The following LRP8 variants were observed in gnomAD, a reference collection of about 807,000 sequenced individuals.
LRP8 encodes the protein LDL receptor related protein 8.
LRP8 carries 46 observed loss-of-function variants against 111.6 expected under a neutral mutation model. The observed-to-expected ratio is 0.41, with a 90% CI of 0.33 to 0.53. LRP8 has a LOEUF of 0.53. Among genes scored for constraint, LRP8 ranks in the 20% least tolerant of loss-of-function variants. LRP8 has a pLI of 0.20. For synonymous variants in LRP8, 464 were observed against 511.2 expected (o/e 0.91, Z 1.24); for missense variants, 959 against 1,297.4 (o/e 0.74, Z 4.01).
In LRP8 at chr1:53,303,976, C is replaced by T. The variant is rs1651474610; in HGVS notation, c.245-14287G>A. On this transcript the variant is annotated intron_variant, in intron 2 of 18. Coordinates refer to ENST00000306052, the MANE Select transcript of LRP8 (RefSeq NM_004631.5). The surrounding 1 kb of genome is among the most constrained non-coding windows in gnomAD (Gnocchi z 4.3). ...TTGTTCTTTGGCTCGGTCAGAAAGA[C>T]TCCCAGGGAAGTGGAAAGGAGCCAA... is the stretch of plus-strand genomic sequence containing the variant. 6.6e-6 allele frequency among the ~76,000 whole-genome samples: 1 copy of T among 152,142 alleles called. No individual in the cohort carries two copies. Among genetic ancestry groups the T allele is most frequent in the African/African-American group, 2.4e-5 (1 of 41,422 alleles).
Position 53,260,541 on chromosome 1 carries a change from A to G in LRP8, c.1979T>C (p.Leu660Pro). 2 of 1,614,202 alleles carry G rather than the reference A, an allele frequency of 1.2e-6. No homozygotes were observed. Among genetic ancestry groups the G allele is most frequent in the Non-Finnish European group, 1.7e-6 (2 of 1,180,026 alleles). ...AIFSANRLNG[L>P]EISILAENLN... ...GTTCTCAGCCAGGATGGAGATTTCC[A>G]GGCCATTGAGCCGATTTGCACTGAA... Residue 660 changes from leucine to proline, a missense_variant, in exon 13 of 19, where the codon CTG becomes CCG. Transcript: ENST00000306052.
rs1186579501 is a variant in LRP8, at chr1:53,294,684, G to A, written c.245-4995C>T. On this transcript the variant is annotated intron_variant, in intron 2 of 18. Coordinates refer to ENST00000306052, the MANE Select transcript of LRP8 (RefSeq NM_004631.5). The surrounding 1 kb of genome is among the most constrained non-coding windows in gnomAD (Gnocchi z 4.1). ...CCCATCCGTCAAACCTTCTGAGCTT[G>A]CCTCCTCCTCATCAGGAAATGGAGG... Among the ~76,000 whole-genome samples the A allele has an allele frequency of 6.6e-6, 1 of 152,166 alleles. No homozygotes were observed. Among genetic ancestry groups the A allele is most frequent in the African/African-American group, 2.4e-5 (1 of 41,434 alleles).
intron 1 of LRP8, 52 bp downstream of exon 1, chr1:53,327,737 T>C: frequency 4.3e-6 from 6 of 1,396,042 alleles, no homozygotes; most frequent in Non-Finnish European, 5.6e-6. Context: ...CGGCCGCGCT[T>C]TGTTGGTGGC....
rs1483428569 is a variant in LRP8 at position 53,244,902 on chromosome 1, G to C, written c.*2116C>G. On this transcript the variant is annotated 3_prime_UTR_variant, in exon 19 of 19. Transcript: ENST00000306052. ...TAAAAGAATAGTAATATGTGAGTAA[G>C]CTCCATAGGAGTTGGCCACCTGTTC... is the stretch of plus-strand genomic sequence containing the variant. The C allele has an allele frequency of 6.6e-6, 1 of 152,160 alleles. No homozygotes were observed. Among genetic ancestry groups the C allele is most frequent in the Admixed American group, 6.5e-5 (1 of 15,276 alleles). The allele number at this position is 152,160 out of a possible 1,614,324, so 9.4% of individuals were successfully genotyped here.
At chr1:53,280,788 C>T (rs1020197619) in intron 3 of LRP8, 73 bp from the exon 4 acceptor site, 5 of 1,572,394 alleles carry the variant, frequency 3.2e-6, no homozygotes, top group Non-Finnish European at 3.4e-6. Context: ...GTCCTACCAC[C>T]CTGTTCCAGC....
chr1:53,291,965 G>C (rs1648858980), intron 2 of LRP8: 1 of 152,190 alleles, frequency 6.6e-6, no homozygotes, highest in Non-Finnish European at 1.5e-5. Flanking sequence ...GCTTGGGGTA[G>C]GTCTCAGTGC....
At chr1:53,306,910 G>A (rs1384607799) in intron 2 of LRP8, among the ~76,000 whole-genome samples, 1 of 152,190 alleles carries the variant, frequency 6.6e-6, no homozygotes. Flanking sequence ...TCCTCATTTA[G>A]TTCTTACAAT....
rs1215620721 is a variant in LRP8 at position 53,242,651 on chromosome 1, G to T, written c.*4367C>A. On this transcript the variant is annotated 3_prime_UTR_variant, in exon 19 of 19. Transcript: ENST00000306052. ...AATATGGTAACTTTGGGGTTGGTAG[G>T]GGGAGACAAACAAGGAGAATCCACT... 6.6e-6 allele frequency: 1 copy of T among 152,052 alleles called. No individual in the cohort carries two copies. Among genetic ancestry groups the T allele is most frequent in the South Asian group, 2.1e-4 (1 of 4,826 alleles). 9.4% of individuals were successfully genotyped at this position (152,052 alleles called of 1,614,324 possible). A position where few individuals can be genotyped will look rare whatever the true frequency, so the allele number is the denominator to read the frequency against.
intron 18 of LRP8, among the ~76,000 whole-genome samples, chr1:53,248,303 A>G (rs1645789717): frequency 1.3e-5 from 2 of 151,842 alleles, no homozygotes. Context: ...TAGATATTTA[A>G]GACTATCTTA....
chr1:53,312,942 T>A (rs1233251257), intron 2 of LRP8, among the ~76,000 whole-genome samples: 1 of 152,178 alleles, frequency 6.6e-6, no homozygotes, highest in Non-Finnish European at 1.5e-5. Flanking sequence ...GCGTTTTCGC[T>A]GAAAAGAGAG....
chr1:53,271,939 G>C (rs1215205318), intron 6 of LRP8, among the ~76,000 whole-genome samples: 1 of 151,780 alleles, frequency 6.6e-6, no homozygotes, highest in African/African-American at 2.4e-5. Context: ...TTAAAGCACT[G>C]ATATCTGGTC....
intron 2 of LRP8, among the ~76,000 whole-genome samples, chr1:53,290,765 C>T (rs1648578962): frequency 6.6e-6 from 1 of 152,126 alleles, no homozygotes; most frequent in Admixed American, 6.5e-5. Context: ...ACCTAGCAGG[C>T]CCGGGGGAGA....
At chr1:53,309,622 C>T (rs542828404) in intron 2 of LRP8, among the ~76,000 whole-genome samples, 102 of 152,248 alleles carry the variant, frequency 6.7e-4, no homozygotes, top group African/African-American at 2.4e-3. Context: ...CCAGTGTACC[C>T]TTGGACAGTG....
chr1:53,258,094 T>C (rs1049978882), intron 14 of LRP8: 4 of 384,228 alleles, frequency 1.0e-5, no homozygotes, highest in African/African-American at 6.2e-5. Flanking sequence ...AAATGTTTTA[T>C]GTATATGTGC....
At chr1:53,301,427 A>C (rs1173776838) in intron 2 of LRP8, among the ~76,000 whole-genome samples, 1 of 152,206 alleles carries the variant, frequency 6.6e-6, no homozygotes. Context: ...AAAGACCTTA[A>C]AAGGCATGAA....
chr1:53,300,951 T>C (rs976943297), intron 2 of LRP8, among the ~76,000 whole-genome samples: 1 of 152,112 alleles, frequency 6.6e-6, no homozygotes. Context: ...TTTTCATGTG[T>C]ACCATTCAAA....
In LRP8 at chr1:53,266,369, G is replaced by T; in HGVS notation, c.1427+104C>A. On this transcript the variant is annotated intron_variant, in intron 9 of 18. Transcript: ENST00000306052. This position sits in a 1 kb window ranked among gnomAD's most constrained non-coding sequence, Gnocchi z 5.0. ...GCATCTCTTCCCAAGTCCCAACTCT[G>T]TCCTGAGGAGCTCTAGAGGCAGACA... 8.1e-7 allele frequency: 1 copy of T among 1,230,286 alleles called. No individual in the cohort carries two copies. Among genetic ancestry groups the T allele is most frequent in the Non-Finnish European group, 1.2e-6 (1 of 858,014 alleles). The allele number at this position is 1,230,286 out of a possible 1,614,324, so 76.2% of individuals were successfully genotyped here.
Position 53,294,992 on chromosome 1 carries a change from T to A in LRP8, c.245-5303A>T, listed in dbSNP as rs1162028000. ...TGTCCTGCCGTGTTGGACTCCAGGG[T>A]CTTGAGGCCCCCTACGTGGGTCTCC... is the stretch of plus-strand genomic sequence containing the variant. On this transcript the variant is annotated intron_variant, in intron 2 of 18. Transcript: ENST00000306052. This position sits in a 1 kb window ranked among gnomAD's most constrained non-coding sequence, Gnocchi z 4.1. Among the ~76,000 whole-genome samples the A allele has an allele frequency of 6.6e-6, 1 of 152,140 alleles. No homozygotes were observed. Among genetic ancestry groups the A allele is most frequent in the East Asian group, 1.9e-4 (1 of 5,184 alleles).
At chr1:53,272,161 G>A (rs546549189) in intron 6 of LRP8, among the ~76,000 whole-genome samples, 14 of 152,144 alleles carry the variant, frequency 9.2e-5, no homozygotes, top group African/African-American at 3.4e-4. Flanking sequence ...AATATGATGG[G>A]TTTTTTAACT....
Sources: allele counts gnomAD v4.1 joint callset (sites outside exome capture counted in the v4.1 genomes callset), GRCh38; gene constraint gnomAD v4.1.1; non-coding constraint Gnocchi (gnomAD v3.1); transcripts MANE v1.5; gene names NCBI Gene and HGNC (gene_info 2026-07-23, HGNC 2026-07-21).